The following BPIFC variants were observed in gnomAD, a reference collection of about 807,000 sequenced individuals.
The protein encoded by BPIFC is BPI fold containing family C, also known as BPI fold-containing family C protein.
Under a neutral mutation model 57.6 loss-of-function variants are expected in BPIFC, and 60 were observed. The observed-to-expected ratio is 1.04, with a 90% CI of 0.85 to 1.29. The LOEUF is 1.29. Among genes scored for constraint, BPIFC ranks in the 50% most tolerant of loss-of-function variants. The probability of loss-of-function intolerance (pLI) is 0.00; values close to 1 mark genes in which losing one functional copy is unlikely to be tolerated. For synonymous variants in BPIFC, 243 were observed against 224.5 expected (o/e 1.08, Z -0.74); for missense variants, 581 against 600.5 (o/e 0.97, Z 0.34).
intron 8 of BPIFC, 25 bp from the exon 9 acceptor site, chr22:32,437,876 A>T (rs754465458): frequency 5.6e-6 from 8 of 1,434,060 alleles, no homozygotes; most frequent in Non-Finnish European, 7.8e-6. Flanking sequence ...AAGAAAAAAG[A>T]AAATCCATAT....
intron 13 of BPIFC, among the ~76,000 whole-genome samples, chr22:32,429,890 T>C (rs113876123): frequency 1.3e-5 from 2 of 152,306 alleles, no homozygotes; most frequent in African/African-American, 4.8e-5. Context: ...TCTGCTGGTT[T>C]CTCAGATCTT....
Position 32,447,434 on chromosome 22 carries a change from T to C in BPIFC, c.246-94A>G, listed in dbSNP as rs1601475208. The stretch of plus-strand genomic sequence containing the variant: ...AACACAGTTGCAGAGCTCTTACCAT[T>C]GAGGCCATTGTGAACTCCTACAGAG... On this transcript the variant is annotated intron_variant, in intron 4 of 16. Transcript: ENST00000300399. 2.8e-6 allele frequency: 4 copies of C among 1,445,708 alleles called. No homozygotes were observed. The East Asian group carries it at 9.4e-5, about 34-fold the overall frequency. 89.6% of individuals were successfully genotyped at this position (1,445,708 alleles called of 1,614,324 possible).
chr22:32,418,936 C>T (rs1465327530), intron 14 of BPIFC, among the ~76,000 whole-genome samples: 3 of 151,962 alleles, frequency 2.0e-5, no homozygotes, highest in Non-Finnish European at 4.4e-5. Flanking sequence ...CAGCATTGAC[C>T]TAATTTTAGG....
chr22:32,435,887 G>T lies in BPIFC; in HGVS notation c.748-7C>A. On this transcript the variant is annotated splice_region_variant and splice_polypyrimidine_tract_variant and intron_variant, in intron 9 of 16. Coordinates refer to ENST00000300399, the MANE Select transcript of BPIFC (RefSeq NM_174932.3). The stretch of plus-strand genomic sequence containing the variant: ...CCAGTGGGTAGAATACACCCTGTGG[G>T]AAAAGAGAGAGAAAGACCAGTGTAT... 6.2e-7 allele frequency: 1 copy of T among 1,606,622 alleles called. No homozygotes were observed. The highest frequency in any genetic ancestry group is 8.5e-7 in the Non-Finnish European group (1 of 1,177,912).
chr22:32,446,378 G>A lies in BPIFC; in HGVS notation c.375-382C>T, dbSNP rs143296122. ...ATAGATGAAAAAGTGATGCTTAGAT[G>A]TAGTCTGTGAACTCCTTGAGGGAGT... On this transcript the variant is annotated intron_variant, in intron 5 of 16. Coordinates refer to ENST00000300399, the MANE Select transcript of BPIFC (RefSeq NM_174932.3). Among the ~76,000 whole-genome samples, 596 of 152,348 alleles carry A rather than the reference G, an allele frequency of 3.9e-3. 4 individuals carry two copies. Among genetic ancestry groups the A allele is most frequent in the African/African-American group, 0.014 (570 of 41,594 alleles).
At chr22:32,454,779 A>G (rs1213159996) in intron 3 of BPIFC, among the ~76,000 whole-genome samples, 1 of 152,196 alleles carries the variant, frequency 6.6e-6, no homozygotes, top group Middle Eastern at 3.2e-3. Context: ...CAGAGGCACT[A>G]CCAGAGAGCT....
intron 4 of BPIFC, among the ~76,000 whole-genome samples, chr22:32,452,718 C>G (rs139190153): frequency 6.6e-6 from 1 of 152,038 alleles, no homozygotes; most frequent in Non-Finnish European, 1.5e-5. Flanking sequence ...ATGATCACCC[C>G]AAAGGGTTGG....
intron 7 of BPIFC, among the ~76,000 whole-genome samples, chr22:32,444,754 T>C (rs9621452): frequency 0.079 from 12,041 of 152,240 alleles, 524 homozygotes; most frequent in Middle Eastern, 0.12. Context: ...CCTACCTATA[T>C]GTTAAGATCT....
In BPIFC at chr22:32,447,240, T is replaced by C. The variant is rs772119049; in HGVS notation, c.346A>G (p.Thr116Ala). ...LTNHGTANIS[T>A]DWGFESPLFQ... ...AGTGGAGACTCGAACCCCCAGTCTG[T>C]GCTGATGTTGGCAGTGCCATGGTTG... is the stretch of plus-strand genomic sequence containing the variant. The change falls in exon 5 of 17, where the codon ACA (threonine) becomes GCA (alanine). Residue 116 changes from threonine (T) to alanine (A), a missense_variant. Physicochemically the swap from Thr to Ala is moderately conservative, Grantham distance 58. Transcript: ENST00000300399. 205 of 1,613,654 alleles carry C rather than the reference T, an allele frequency of 1.3e-4. 1 individual carries two copies. The South Asian group carries it at 1.4e-3, about 11-fold the overall frequency.
At chr22:32,437,946 T>A in intron 8 of BPIFC, 95 bp from the exon 9 acceptor site, 1 of 679,504 alleles carries the variant, frequency 1.5e-6, no homozygotes, top group South Asian at 2.4e-5. Context: ...TAATTTTAAA[T>A]TCTCTGTTTA....
chr22:32,457,463 A>G, intron 2 of BPIFC, 77 bp from the exon 3 acceptor site: 3 of 1,524,918 alleles, frequency 2.0e-6, no homozygotes, highest in Non-Finnish European at 2.7e-6. Context: ...ACATTTCTAG[A>G]TTTTCTCATT....
chr22:32,435,982 AG>A, intron 9 of BPIFC, 102 bp from the exon 10 acceptor site: 2 of 1,348,802 alleles, frequency 1.5e-6, no homozygotes, highest in Non-Finnish European at 2.0e-6. Context: ...GAATTCCAGA[AG>A]CTCGGGCCAG....
chr22:32,461,625 G>T lies in BPIFC; in HGVS notation c.-52C>A. ...TCTTCTGCTGTGCTGGGCCTTTCTT[G>T]ATCCTTTAGTTGCCCTTGGAGGTTA... On this transcript the variant is annotated 5_prime_UTR_variant, in exon 2 of 17. Transcript: ENST00000300399. The T allele has an allele frequency of 7.1e-6, 7 of 985,578 alleles. No individual in the cohort carries two copies. The highest frequency in any genetic ancestry group is 6.1e-5 in the Admixed American group (1 of 16,288). 61.1% of individuals were successfully genotyped at this position (985,578 alleles called of 1,614,324 possible).
Position 32,445,965 on chromosome 22 carries a change from A to T in BPIFC, c.406T>A (p.Ser136Thr). 6.2e-7 allele frequency: 1 copy of T among 1,614,120 alleles called. No homozygotes were observed. The highest frequency in any genetic ancestry group is 8.5e-7 in the Non-Finnish European group (1 of 1,180,018). Reference sequence around the variant, plus strand: ...ATGATACCGGTAAAGTAGACTCCGGAGAGAAACAGATCAGCCCCTCCTGTG... The same window carrying T: ...ATGATACCGGTAAAGTAGACTCCGGTGAGAAACAGATCAGCCCCTCCTGTG... The part of the protein sequence containing the change: ...QDTGGADLFL[S>T]GVYFTGIIIL... Residue 136 changes from serine (S) to threonine (T), a missense_variant, in exon 6 of 17, where the codon TCC becomes ACC. Transcript: ENST00000300399.
chr22:32,424,669 T>C lies in BPIFC; in HGVS notation c.1218-5265A>G, dbSNP rs867992498. Among the ~76,000 whole-genome samples, 769 of 63,298 alleles carry C rather than the reference T, an allele frequency of 0.012. 139 individuals carry two copies. In the East Asian group the frequency reaches 0.16, roughly 13 times the overall value. The allele number at this position is 63,298 out of a possible 152,430, so 41.5% of individuals were successfully genotyped here. ...CTTCTTCTTCTTCTTCTTCTTCTTC[T>C]TCTTCTTCTTCTTCTTCTTCTTCCT... On this transcript the variant is annotated intron_variant, in intron 13 of 16. Transcript: ENST00000300399.
At chr22:32,453,923 C>CAAA (rs1555880711) in intron 3 of BPIFC, among the ~76,000 whole-genome samples, 8 of 149,214 alleles carry the variant, frequency 5.4e-5, no homozygotes, top group Non-Finnish European at 7.4e-5. Flanking sequence ...TCTACAAAAA[C>CAAA]AAACAACAAC....
chr22:32,452,645 A>C (rs2068104962), intron 4 of BPIFC, among the ~76,000 whole-genome samples: 1 of 152,028 alleles, frequency 6.6e-6, no homozygotes, highest in Admixed American at 6.6e-5. Flanking sequence ...CTCAAAAAAA[A>C]AAAAAACACA....
chr22:32,461,073 G>T (rs921609032), intron 2 of BPIFC, among the ~76,000 whole-genome samples: 2 of 152,184 alleles, frequency 1.3e-5, no homozygotes, highest in South Asian at 2.1e-4. Context: ...TGGAGCAGGG[G>T]CCAGGAAGTT....
At chr22:32,431,516 C>G (rs1186592082) in intron 12 of BPIFC, 102 bp from the exon 13 acceptor site, 6 of 791,522 alleles carry the variant, frequency 7.6e-6, no homozygotes, top group African/African-American at 1.7e-5. Flanking sequence ...AACATTCCCC[C>G]TTAGTGTAAA....
Sources: gnomAD v4.1 joint callset for allele counts (sites outside exome capture counted in the v4.1 genomes callset) on GRCh38, gnomAD v4.1.1 for gene constraint, MANE v1.5 for transcripts, NCBI Gene and HGNC (gene_info 2026-07-23, HGNC 2026-07-21) for gene names.